Variants in CPSF2 observed in about 807,000 individuals in gnomAD.
CPSF2 encodes cleavage and polyadenylation specific factor 2, also known as cleavage and polyadenylation specificity factor subunit 2.
In CPSF2, 51 loss-of-function variants were observed where a neutral mutation model predicts 84.2. That is an observed-to-expected ratio of 0.61 (90% CI 0.48 to 0.77). The LOEUF (loss-of-function observed/expected upper bound fraction) is 0.77, where lower values mean the gene tolerates loss of function less well. Ranked by LOEUF, CPSF2 falls within the 30% of genes least tolerant of loss-of-function variation. The probability of loss-of-function intolerance (pLI) is 0.00; values close to 1 mark genes in which losing one functional copy is unlikely to be tolerated. For synonymous variants in CPSF2, 286 were observed against 311.9 expected (o/e 0.92, Z 0.87); for missense variants, 641 against 929.4 (o/e 0.69, Z 4.03).
intron 9 of CPSF2, among the ~76,000 whole-genome samples, chr14:92,149,463 T>A (rs1413033403): frequency 6.6e-6 from 1 of 152,036 alleles, no homozygotes; most frequent in African/African-American, 2.4e-5. Flanking sequence ...AGAGAATGTC[T>A]TTGAGGGGCC....
At chr14:92,133,622 C>CTTT (rs35567316) in intron 3 of CPSF2, among the ~76,000 whole-genome samples, 1 of 139,404 alleles carries the variant, frequency 7.2e-6, no homozygotes, top group Non-Finnish European at 1.6e-5. Flanking sequence ...CCACCCCTGG[C>CTTT]TTTTTTTTTT....
intron 3 of CPSF2, among the ~76,000 whole-genome samples, chr14:92,132,173 T>C (rs940965143): frequency 1.1e-4 from 16 of 152,030 alleles, no homozygotes; most frequent in African/African-American, 3.9e-4. Flanking sequence ...TCACTTCTGT[T>C]GCCCAAGCTG....
At chr14:92,139,070 G>C (rs2069038772) in intron 7 of CPSF2, among the ~76,000 whole-genome samples, 1 of 152,064 alleles carries the variant, frequency 6.6e-6, no homozygotes, top group Admixed American at 6.6e-5. Context: ...GCACTCACTG[G>C]CATATGTCTG....
Position 92,171,669 on chromosome 14 carries a change from C to G in CPSF2, c.*9925C>G. On this transcript the variant is annotated 3_prime_UTR_variant, in exon 16 of 16. Transcript: ENST00000298875. ...CATTGCCCCTGTGCTAGCATTGCCA[C>G]TGTGCGTTCTCCCAGTGGACAAATT... The G allele has an allele frequency of 6.6e-6, 1 of 152,198 alleles. No individual in the cohort carries two copies. Among genetic ancestry groups the G allele is most frequent in the Non-Finnish European group, 1.5e-5 (1 of 68,066 alleles). The allele number at this position is 152,198 out of a possible 1,614,324, so 9.4% of individuals were successfully genotyped here. A position where few individuals can be genotyped will look rare whatever the true frequency, so the allele number is the denominator to read the frequency against.
chr14:92,160,845 A>C (rs756599441), intron 14 of CPSF2, among the ~76,000 whole-genome samples: 1 of 152,184 alleles, frequency 6.6e-6, no homozygotes, highest in Non-Finnish European at 1.5e-5. Flanking sequence ...AACATTACCA[A>C]ACGTCTCTGT....
intron 1 of CPSF2, among the ~76,000 whole-genome samples, chr14:92,125,743 A>G (rs1178729569): frequency 3.3e-5 from 5 of 152,100 alleles, no homozygotes; most frequent in African/African-American, 1.2e-4. Context: ...CTTACTCAAA[A>G]GTGTAGAGAT....
chr14:92,141,854 A>G (rs981974597), intron 7 of CPSF2, among the ~76,000 whole-genome samples: 16 of 152,204 alleles, frequency 1.1e-4, no homozygotes, highest in African/African-American at 3.6e-4. Flanking sequence ...TGGTCATACA[A>G]TTTTCTCAGT....
At chr14:92,152,379 T>C (rs534702107) in intron 9 of CPSF2, among the ~76,000 whole-genome samples, 1 of 152,224 alleles carries the variant, frequency 6.6e-6, no homozygotes, top group Admixed American at 6.5e-5. Flanking sequence ...TCTGCCCGCC[T>C]CGACCTCCCA....
At chr14:92,156,770 G>GTATGTAT in intron 12 of CPSF2, 139 bp downstream of exon 12, 1 of 513,384 alleles carries the variant, frequency 1.9e-6, no homozygotes, top group Non-Finnish European at 3.2e-6. Flanking sequence ...ATTTTTGTAT[G>GTATGTAT]AAGAGACTTG....
In CPSF2 at chr14:92,143,263, A is replaced by T; in HGVS notation, c.1109A>T (p.Asp370Val). The T allele has an allele frequency of 6.2e-7, 1 of 1,609,054 alleles. No individual in the cohort carries two copies. Among genetic ancestry groups the T allele is most frequent in the Non-Finnish European group, 8.5e-7 (1 of 1,177,720 alleles). The change falls in exon 9 of 16, where the codon GAT (aspartate) becomes GTT (valine). Residue 370 changes from aspartate to valine, a missense_variant. Asp to Val is a radical substitution (Grantham distance 152). Transcript: ENST00000298875. Reference sequence around the variant, plus strand: ...GGGACTTTAGCACGTTTCCTAATTGATAATCCTTCTGAAAAAATTACAGAA... The same window carrying T: ...GGGACTTTAGCACGTTTCCTAATTGTTAATCCTTCTGAAAAAATTACAGAA... ...TPGTLARFLI[D>V]NPSEKITEIE... is the part of the protein sequence containing the mutation.
intron 1 of CPSF2, among the ~76,000 whole-genome samples, chr14:92,125,843 G>A (rs1424336324): frequency 6.6e-6 from 1 of 151,990 alleles, no homozygotes; most frequent in African/African-American, 2.4e-5. Flanking sequence ...AATCCTTAGT[G>A]AGTAATCTTA....
At chr14:92,151,497 C>T (rs2069216936) in intron 9 of CPSF2, among the ~76,000 whole-genome samples, 1 of 151,584 alleles carries the variant, frequency 6.6e-6, no homozygotes. Context: ...GTTTCAGGTT[C>T]TGCGTTAAAA....
intron 1 of CPSF2, among the ~76,000 whole-genome samples, chr14:92,124,799 T>C (rs2068825066): frequency 6.6e-6 from 1 of 152,180 alleles, no homozygotes; most frequent in Non-Finnish European, 1.5e-5. Context: ...TGAAATAATA[T>C]TTTGGTTCTA....
rs1396400870 is a variant in CPSF2 at position 92,143,239 on chromosome 14, G to T, written c.1085G>T (p.Gly362Val). 2 of 1,613,056 alleles carry T rather than the reference G, an allele frequency of 1.2e-6. No individual in the cohort carries two copies. The highest frequency in any genetic ancestry group is 3.3e-5 in the Admixed American group (2 of 59,942). ...ATTCTAACCTACAGAACTACTCCTG[G>T]GACTTTAGCACGTTTCCTAATTGAT... ...SIILTYRTTP[G>V]TLARFLIDNP... Residue 362 changes from glycine (G) to valine (V), a missense_variant, in exon 9 of 16, where the codon GGG becomes GTG. This residue lies in a region of CPSF2 where 430 missense variants were observed against 553.6 expected (regional missense o/e 0.78). Coordinates refer to ENST00000298875, the MANE Select transcript of CPSF2 (RefSeq NM_017437.3).
rs533762128 is a variant in CPSF2, at chr14:92,148,241, C to T, written c.1140+4947C>T. Among the ~76,000 whole-genome samples the T allele has an allele frequency of 1.7e-4, 26 of 152,268 alleles. No individual in the cohort carries two copies. In the South Asian group the frequency reaches 5.4e-3, roughly 32 times the overall value. On this transcript the variant is annotated intron_variant, in intron 9 of 15. Coordinates refer to ENST00000298875, the MANE Select transcript of CPSF2 (RefSeq NM_017437.3). ...TATTATACCCAGATTCCCCAATTGT[C>T]AACATTTTACTGGATTTGCTTTATC...
In CPSF2 at chr14:92,152,638, C is replaced by T. The variant is rs148921066; in HGVS notation, c.1141-1720C>T. ...ATTTATAGTAGAGACGGGGTTTCAC[C>T]ATGTTGGCCAGGCTGGTCTCGGACT... On this transcript the variant is annotated intron_variant, in intron 9 of 15. Coordinates refer to ENST00000298875, the MANE Select transcript of CPSF2 (RefSeq NM_017437.3). 1.5e-3 allele frequency among the ~76,000 whole-genome samples: 227 copies of T among 151,874 alleles called. 1 individual carries two copies. Among genetic ancestry groups the T allele is most frequent in the African/African-American group, 5.2e-3 (217 of 41,378 alleles).
intron 2 of CPSF2, among the ~76,000 whole-genome samples, chr14:92,126,827 A>G (rs750635027): frequency 6.6e-6 from 1 of 152,136 alleles, no homozygotes; most frequent in Non-Finnish European, 1.5e-5. Context: ...AAGTCAATAT[A>G]TTTTAAATTT....
At chr14:92,151,497 C>G (rs2069216936) in intron 9 of CPSF2, among the ~76,000 whole-genome samples, 1 of 151,584 alleles carries the variant, frequency 6.6e-6, no homozygotes, top group Non-Finnish European at 1.5e-5. Flanking sequence ...GTTTCAGGTT[C>G]TGCGTTAAAA....
intron 9 of CPSF2, among the ~76,000 whole-genome samples, chr14:92,146,855 G>A (rs548824271): frequency 6.6e-6 from 1 of 152,198 alleles, no homozygotes; most frequent in East Asian, 1.9e-4. Context: ...TATGCCCTAC[G>A]GTGCATCAGG....
Sources: gnomAD v4.1 joint callset for allele counts (sites outside exome capture counted in the v4.1 genomes callset) on GRCh38, gnomAD v4.1.1 for gene constraint, gnomAD v4.1.1 regional missense constraint, MANE v1.5 for transcripts, NCBI Gene and HGNC (gene_info 2026-07-23, HGNC 2026-07-21) for gene names.